MARCHF1: variants seen among roughly 807,000 people sequenced by gnomAD.
MARCHF1 encodes membrane associated ring-CH-type finger 1, also known as E3 ubiquitin-protein ligase MARCHF1.
MARCHF1 carries 40 observed loss-of-function variants against 54.2 expected under a neutral mutation model. The observed-to-expected ratio is 0.74, with a 90% confidence interval of 0.57 to 0.96. The LOEUF is 0.96. Ranked by LOEUF, MARCHF1 falls within the 40% of genes least tolerant of loss-of-function variation. MARCHF1 has a pLI of 0.00. For missense variants in MARCHF1, 586 were observed against 656.5 expected (o/e 0.89, Z 1.17); for synonymous variants, 236 against 236.3 (o/e 1.00, Z 0.01).
intron 3 of MARCHF1, among the ~76,000 whole-genome samples, chr4:163,868,610 T>C (rs1240505901): frequency 2.6e-5 from 4 of 152,014 alleles, no homozygotes; most frequent in Non-Finnish European, 4.4e-5. Context: ...TACCCATACA[T>C]ACAAATGTGT....
intron 2 of MARCHF1, among the ~76,000 whole-genome samples, chr4:164,030,183 A>C (rs1302814003): frequency 1.3e-5 from 2 of 152,014 alleles, no homozygotes; most frequent in Non-Finnish European, 2.9e-5. Context: ...TAAGAATATA[A>C]TTTTAATATA....
At chr4:164,369,148 T>C (rs1561022290) in intron 1 of MARCHF1, among the ~76,000 whole-genome samples, 1 of 152,156 alleles carries the variant, frequency 6.6e-6, no homozygotes, top group Non-Finnish European at 1.5e-5. Context: ...AGGTGGCTCT[T>C]GGCAGCTGAG....
At chr4:163,626,748 G>T (rs1217617550) in intron 5 of MARCHF1, among the ~76,000 whole-genome samples, 1 of 152,114 alleles carries the variant, frequency 6.6e-6, no homozygotes, top group Non-Finnish European at 1.5e-5. Flanking sequence ...CCAACATGGT[G>T]AAACCCCATC....
intron 1 of MARCHF1, among the ~76,000 whole-genome samples, chr4:164,379,431 A>G (rs1188167462): frequency 1.3e-5 from 2 of 152,188 alleles, no homozygotes; most frequent in Non-Finnish European, 2.9e-5. Flanking sequence ...AACAGACACA[A>G]TGAAGTAGAG....
intron 1 of MARCHF1, among the ~76,000 whole-genome samples, chr4:164,121,467 A>T (rs754698418): frequency 6.6e-6 from 1 of 152,112 alleles, no homozygotes; most frequent in Non-Finnish European, 1.5e-5. Flanking sequence ...CAAGAGAGAG[A>T]TGTGCTGAGC....
intron 2 of MARCHF1, among the ~76,000 whole-genome samples, chr4:164,073,395 A>G (rs1246243248): frequency 6.6e-6 from 1 of 152,144 alleles, no homozygotes; most frequent in Non-Finnish European, 1.5e-5. Context: ...CTAACACAAG[A>G]AGAGAAAACC....
intron 1 of MARCHF1, among the ~76,000 whole-genome samples, chr4:164,292,991 T>C (rs192772960): frequency 8.9e-4 from 135 of 152,318 alleles, no homozygotes; most frequent in Admixed American, 1.9e-3. Context: ...TCCAGTCATT[T>C]TTCTTTAACA....
intron 5 of MARCHF1, among the ~76,000 whole-genome samples, chr4:163,693,086 T>C (rs1744513687): frequency 1.3e-5 from 2 of 151,280 alleles, no homozygotes; most frequent in Admixed American, 6.6e-5. Context: ...TTGTCAAATA[T>C]CAGAACAGTC....
intron 5 of MARCHF1, among the ~76,000 whole-genome samples, chr4:163,636,427 C>T (rs1161684960): frequency 6.8e-6 from 1 of 146,054 alleles, no homozygotes; most frequent in Non-Finnish European, 1.5e-5. Flanking sequence ...GTGCAAAAAT[C>T]ACAAGCATTC....
At chr4:164,187,884 CT>C (rs918747139) in intron 1 of MARCHF1, among the ~76,000 whole-genome samples, 4 of 152,222 alleles carry the variant, frequency 2.6e-5, no homozygotes, top group African/African-American at 7.2e-5. Flanking sequence ...CTTTCCCCAT[CT>C]TTTTTTGACT....
At chr4:163,618,914 A>AG (rs1741594142) in intron 5 of MARCHF1, among the ~76,000 whole-genome samples, 1 of 146,984 alleles carries the variant, frequency 6.8e-6, no homozygotes, top group Admixed American at 7.0e-5. Context: ...AGAGTAGAAC[A>AG]GGGGTTTAAT....
At chr4:164,349,534 T>G (rs1730216715) in intron 1 of MARCHF1, among the ~76,000 whole-genome samples, 3 of 152,168 alleles carry the variant, frequency 2.0e-5, no homozygotes, top group South Asian at 2.1e-4. Flanking sequence ...GTACAGTACT[T>G]ATTTTCTAGT....
intron 4 of MARCHF1, among the ~76,000 whole-genome samples, chr4:163,813,719 A>G (rs1748456443): frequency 6.7e-6 from 1 of 150,352 alleles, no homozygotes; most frequent in Non-Finnish European, 1.5e-5. Flanking sequence ...AGACACCAGT[A>G]AGTAATATAG....
At chr4:163,967,003 G>A (rs10034478) in intron 3 of MARCHF1, among the ~76,000 whole-genome samples, 143,727 of 152,158 alleles carry the variant, frequency 0.94, 68,370 homozygotes, top group East Asian at 1. Flanking sequence ...AAGAACAGGA[G>A]AATCACATTC....
chr4:163,669,836 C>A (rs753327431), intron 5 of MARCHF1, among the ~76,000 whole-genome samples: 1 of 152,016 alleles, frequency 6.6e-6, no homozygotes, highest in Non-Finnish European at 1.5e-5. Flanking sequence ...TGAGCTCAAG[C>A]ATCTGCCCAC....
Position 163,613,019 on chromosome 4 carries a change from T to C in MARCHF1, c.262A>G (p.Met88Val), listed in dbSNP as rs1033725391. ...DICRSAILHD[M>V]SEESFEYCTP... Reference sequence around the variant, plus strand: ...CAATACTCAAATGACTCTTCTGACATGTCATGCAAGATGGCAGATCTAGAC... The same window carrying C: ...CAATACTCAAATGACTCTTCTGACACGTCATGCAAGATGGCAGATCTAGAC... The change falls in exon 7 of 10, where the codon ATG becomes GTG. Residue 88 changes from methionine (M) to valine (V), a missense_variant. Coordinates refer to ENST00000514618, the MANE Select transcript of MARCHF1 (RefSeq NM_001394959.1). 1.3e-6 allele frequency: 2 copies of C among 1,507,950 alleles called. No individual in the cohort carries two copies. The highest frequency in any genetic ancestry group is 8.8e-7 in the Non-Finnish European group (1 of 1,137,150). 93.4% of individuals were successfully genotyped at this position (1,507,950 alleles called of 1,614,324 possible). A position where few individuals can be genotyped will look rare whatever the true frequency, so the allele number is the denominator to read the frequency against.
intron 2 of MARCHF1, among the ~76,000 whole-genome samples, chr4:164,058,126 T>C (rs1235042102): frequency 6.6e-6 from 1 of 150,826 alleles, no homozygotes; most frequent in African/African-American, 2.4e-5. Context: ...CTGCAAGGAG[T>C]TGGGGGCTAG....
intron 1 of MARCHF1, among the ~76,000 whole-genome samples, chr4:164,116,652 A>G (rs934978680): frequency 2.0e-4 from 31 of 152,164 alleles, no homozygotes; most frequent in African/African-American, 7.2e-4. Context: ...AATAATTACA[A>G]TTACTCAGTC....
chr4:163,954,939 AAATGTT>A lies in MARCHF1; in HGVS notation c.-39+33556_-39+33561del, dbSNP rs202086652. ...AAACTATAGACTGTTTGAAATTTTT[AAATGTT>A]AATCTTTTTACAAAAGTAACACATT... On this transcript the variant is annotated intron_variant, in intron 3 of 9. Coordinates refer to ENST00000514618, the MANE Select transcript of MARCHF1 (RefSeq NM_001394959.1). 4.9e-3 allele frequency among the ~76,000 whole-genome samples: 742 copies of A among 152,260 alleles called. 7 individuals are homozygous for A. The highest frequency in any genetic ancestry group is 0.017 in the African/African-American group (716 of 41,548).
Sources: gnomAD v4.1 joint callset for allele counts (sites outside exome capture counted in the v4.1 genomes callset) on GRCh38, gnomAD v4.1.1 for gene constraint, MANE v1.5 for transcripts, NCBI Gene and HGNC (gene_info 2026-07-23, HGNC 2026-07-21) for gene names.